SLC35F4: variants seen among roughly 807,000 people sequenced by gnomAD.
SLC35F4 encodes chromosome 14 open reading frame 36.
A neutral mutation model predicts 44.2 loss-of-function variants in SLC35F4; 24 were observed. The ratio of observed to expected loss-of-function variants is 0.54; its 90% confidence interval spans 0.39 to 0.76. SLC35F4 has a LOEUF of 0.76. Ranked by LOEUF, SLC35F4 falls within the 30% of genes least tolerant of loss-of-function variation. The pLI is 0.00. For missense variants in SLC35F4, 562 were observed against 586.1 expected (o/e 0.96, Z 0.42); for synonymous variants, 238 against 223.6 (o/e 1.06, Z -0.57).
At chr14:57,942,587 T>C (rs1889934794) in intron 1 of SLC35F4, among the ~76,000 whole-genome samples, 1 of 152,226 alleles carries the variant, frequency 6.6e-6, no homozygotes, top group South Asian at 2.1e-4. Context: ...CGTAGCATTT[T>C]CGGAATTTCA....
chr14:57,609,227 T>TA (rs769615270), intron 1 of SLC35F4, among the ~76,000 whole-genome samples: 4 of 152,144 alleles, frequency 2.6e-5, no homozygotes, highest in Non-Finnish European at 5.9e-5. Flanking sequence ...AGCGTAGTTT[T>TA]ATTAGAAAAA....
At chr14:57,898,571 G>A (rs184194746) in intron 1 of SLC35F4, among the ~76,000 whole-genome samples, 69 of 152,226 alleles carry the variant, frequency 4.5e-4, no homozygotes, top group Admixed American at 1.7e-3. Flanking sequence ...TAATATATAG[G>A]CATATGATGC....
At chr14:57,925,655 A>C (rs1360222961) in intron 1 of SLC35F4, among the ~76,000 whole-genome samples, 1 of 142,920 alleles carries the variant, frequency 7.0e-6, no homozygotes, top group Non-Finnish European at 1.5e-5. Context: ...TTTTTTTTTT[A>C]ATAAAAATGG....
intron 1 of SLC35F4, among the ~76,000 whole-genome samples, chr14:57,769,713 A>C (rs1170273011): frequency 1.3e-5 from 2 of 152,194 alleles, no homozygotes; most frequent in Non-Finnish European, 1.5e-5. Flanking sequence ...GCCCCTATGG[A>C]AAGTATGGAA....
intron 4 of SLC35F4, chr14:57,578,910 T>TTC (rs1472779550): frequency 1.3e-5 from 2 of 152,426 alleles, no homozygotes; most frequent in Admixed American, 1.3e-4. Flanking sequence ...CAGAAATTTA[T>TTC]TCTCTCACGG....
At chr14:57,740,579 G>C (rs886519864) in intron 1 of SLC35F4, among the ~76,000 whole-genome samples, 4 of 152,130 alleles carry the variant, frequency 2.6e-5, no homozygotes, top group African/African-American at 9.7e-5. Context: ...CCTAGTGTTT[G>C]AAAGAGAAGT....
intron 1 of SLC35F4, among the ~76,000 whole-genome samples, chr14:57,948,615 G>T (rs1424574146): frequency 6.6e-6 from 1 of 151,844 alleles, no homozygotes; most frequent in Non-Finnish European, 1.5e-5. Context: ...GTTCCTTGAG[G>T]TGTGACCTTA....
intron 1 of SLC35F4, among the ~76,000 whole-genome samples, chr14:57,827,236 T>C (rs1883880513): frequency 1.3e-5 from 2 of 152,268 alleles, no homozygotes; most frequent in South Asian, 4.1e-4. Context: ...GAAGCCATTA[T>C]CCTCAGCAAA....
At chr14:57,781,299 C>A (rs899733269) in intron 1 of SLC35F4, among the ~76,000 whole-genome samples, 5 of 152,066 alleles carry the variant, frequency 3.3e-5, no homozygotes, top group Non-Finnish European at 5.9e-5. Flanking sequence ...ATGTGCCCAA[C>A]AAGCATATTT....
chr14:57,712,704 T>C (rs2075844045), intron 1 of SLC35F4, among the ~76,000 whole-genome samples: 1 of 152,250 alleles, frequency 6.6e-6, no homozygotes, highest in Admixed American at 6.5e-5. Context: ...AAAAGGAGTA[T>C]TTTTGAATTT....
chr14:57,875,910 T>A (rs1040450036), intron 1 of SLC35F4, among the ~76,000 whole-genome samples: 3 of 152,198 alleles, frequency 2.0e-5, no homozygotes, highest in Non-Finnish European at 4.4e-5. Flanking sequence ...GATGAGAATG[T>A]CCTTTCTGCA....
chr14:57,723,187 G>T (rs992174058), intron 1 of SLC35F4, among the ~76,000 whole-genome samples: 1 of 152,082 alleles, frequency 6.6e-6, no homozygotes, highest in Admixed American at 6.6e-5. Context: ...AAATTACAGT[G>T]GGTCCCCAGA....
chr14:57,909,313 G>A (rs1056706907), intron 1 of SLC35F4, among the ~76,000 whole-genome samples: 2 of 151,772 alleles, frequency 1.3e-5, no homozygotes, highest in African/African-American at 2.4e-5. Flanking sequence ...TTTACATTAC[G>A]GCTCACTTTT....
chr14:57,909,789 AG>A (rs369366709), intron 1 of SLC35F4, among the ~76,000 whole-genome samples: 866 of 152,256 alleles, frequency 5.7e-3, no homozygotes, highest in South Asian at 0.012. Flanking sequence ...ATCTGTGTGC[AG>A]ATTTTTATGT....
At chr14:57,638,337 T>A (rs1030414755) in intron 1 of SLC35F4, among the ~76,000 whole-genome samples, 10 of 152,114 alleles carry the variant, frequency 6.6e-5, no homozygotes, top group African/African-American at 2.2e-4. Context: ...CACCTTCTGG[T>A]GTATAGGGCC....
At chr14:57,849,654 A>C (rs1244686666) in intron 1 of SLC35F4, among the ~76,000 whole-genome samples, 1 of 152,338 alleles carries the variant, frequency 6.6e-6, no homozygotes, top group East Asian at 1.9e-4. Context: ...AACTTTAATA[A>C]AACTTGAAGT....
chr14:57,974,181 G>A (rs1881141201), downstream of SLC35F4, among the ~76,000 whole-genome samples: 1 of 152,116 alleles, frequency 6.6e-6, no homozygotes, highest in South Asian at 2.1e-4. Context: ...CACATGGCTG[G>A]CACCTTGGTA....
At chr14:57,588,805 G>T (rs74815112) in intron 3 of SLC35F4, among the ~76,000 whole-genome samples, 2,017 of 152,020 alleles carry the variant, frequency 0.013, 44 homozygotes, top group African/African-American at 0.046. Context: ...TTTTTTTCTG[G>T]GCTTGATGCA....
At chr14:57,760,626 T>A (rs1178133693) in intron 1 of SLC35F4, among the ~76,000 whole-genome samples, 1 of 152,246 alleles carries the variant, frequency 6.6e-6, no homozygotes, top group Non-Finnish European at 1.5e-5. Context: ...AAACAGTTTA[T>A]CCTTATTTGG....
Sources: allele counts gnomAD v4.1 joint callset (sites outside exome capture counted in the v4.1 genomes callset), GRCh38; gene constraint gnomAD v4.1.1; transcripts MANE v1.5; gene names NCBI Gene and HGNC (gene_info 2026-07-23, HGNC 2026-07-21).